Variants in PPFIA2 observed in about 807,000 individuals in gnomAD.
PPFIA2 encodes liprin-alpha-2.
Under a neutral mutation model 175.5 loss-of-function variants are expected in PPFIA2, and 46 were observed. The observed-to-expected ratio is 0.26, with a 90% CI of 0.21 to 0.34. PPFIA2 has a LOEUF of 0.34. PPFIA2 is among the 10% of genes least tolerant of loss of function. The pLI is 1.00. For synonymous variants in PPFIA2, 568 were observed against 511.4 expected (o/e 1.11, Z -1.49); for missense variants, 1,179 against 1,506.1 (o/e 0.78, Z 3.60).
intron 9 of PPFIA2, among the ~76,000 whole-genome samples, chr12:81,376,410 G>T (rs575790918): frequency 1.2e-4 from 17 of 138,284 alleles, no homozygotes; most frequent in African/African-American, 3.1e-4. Flanking sequence ...TGGTTAAAAG[G>T]CCAGGCCAAA....
chr12:81,633,571 T>C (rs1324476657), intron 4 of PPFIA2, among the ~76,000 whole-genome samples: 1 of 151,818 alleles, frequency 6.6e-6, no homozygotes, highest in Non-Finnish European at 1.5e-5. Flanking sequence ...AGAGGCAACT[T>C]CTAAATTGGT....
At chr12:81,594,169 T>G (rs1252382739) in intron 4 of PPFIA2, among the ~76,000 whole-genome samples, 1 of 151,960 alleles carries the variant, frequency 6.6e-6, no homozygotes, top group Non-Finnish European at 1.5e-5. Context: ...AACCATCCCT[T>G]CCCGTCCCCC....
chr12:81,635,160 C>T (rs143958120), intron 4 of PPFIA2, among the ~76,000 whole-genome samples: 2 of 152,292 alleles, frequency 1.3e-5, no homozygotes, highest in African/African-American at 2.4e-5. Flanking sequence ...AGAATCTCTA[C>T]TGCTTATCTG....
Position 81,562,640 on chromosome 12 carries a change from G to A in PPFIA2, c.304-104774C>T, listed in dbSNP as rs561076251. On this transcript the variant is annotated intron_variant, in intron 4 of 32. Coordinates refer to ENST00000549396, the MANE Select transcript of PPFIA2 (RefSeq NM_003625.5). ...AGGCGGGCGGATCACGAGGTCAGGA[G>A]ATCGAGACCATCCCGGCTAAAACGG... Among the ~76,000 whole-genome samples, 655 of 151,530 alleles carry A rather than the reference G, an allele frequency of 4.3e-3. 3 individuals carry two copies. Among genetic ancestry groups the A allele is most frequent in the African/African-American group, 0.015 (607 of 41,310 alleles).
At chr12:81,292,297 A>G (rs967627835) in intron 24 of PPFIA2, 4 of 152,092 alleles carry the variant, frequency 2.6e-5, no homozygotes, top group African/African-American at 9.7e-5. Context: ...TAAATTTACA[A>G]TAACTATTTT....
At chr12:81,441,651 A>T (rs1421389655) in intron 6 of PPFIA2, among the ~76,000 whole-genome samples, 3 of 152,168 alleles carry the variant, frequency 2.0e-5, no homozygotes, top group African/African-American at 7.2e-5. Context: ...ATACATGAAA[A>T]AGAAGCAAAT....
At chr12:81,728,014 C>T (rs2080319291) in intron 3 of PPFIA2, among the ~76,000 whole-genome samples, 1 of 151,272 alleles carries the variant, frequency 6.6e-6, no homozygotes, top group Non-Finnish European at 1.5e-5. Context: ...AAAACAAATG[C>T]AAAGTTGAAA....
intron 4 of PPFIA2, among the ~76,000 whole-genome samples, chr12:81,541,203 C>A (rs2066159422): frequency 6.6e-6 from 1 of 151,980 alleles, no homozygotes; most frequent in Non-Finnish European, 1.5e-5. Context: ...TACACAGAAT[C>A]AGTTAGGCTG....
intron 4 of PPFIA2, among the ~76,000 whole-genome samples, chr12:81,642,672 C>CATTATGTATATATTATATACATA (rs1567685983): frequency 0.01 from 679 of 64,860 alleles, 227 homozygotes; most frequent in Non-Finnish European, 0.021. Context: ...TATATACATA[C>CATTATGTATATATTATATACATA]ATGTATGTAT....
chr12:81,619,135 C>G (rs2061747262), intron 4 of PPFIA2, among the ~76,000 whole-genome samples: 1 of 152,120 alleles, frequency 6.6e-6, no homozygotes, highest in East Asian at 1.9e-4. Context: ...CTATATGTTA[C>G]TTACTACATT....
chr12:81,287,869 G>A (rs903873573), intron 24 of PPFIA2, among the ~76,000 whole-genome samples: 3 of 151,734 alleles, frequency 2.0e-5, no homozygotes, highest in African/African-American at 4.8e-5. Context: ...AAAGTAGGTT[G>A]GAAAAGCATA....
intron 4 of PPFIA2, among the ~76,000 whole-genome samples, chr12:81,482,317 G>T (rs2058329681): frequency 6.6e-6 from 1 of 152,202 alleles, no homozygotes; most frequent in African/African-American, 2.4e-5. Context: ...AACCATTGTG[G>T]AAGACAGTGT....
chr12:81,475,483 A>G (rs1047837373), intron 4 of PPFIA2, among the ~76,000 whole-genome samples: 2 of 152,188 alleles, frequency 1.3e-5, no homozygotes, highest in Non-Finnish European at 1.5e-5. Context: ...CGAGAATACA[A>G]TTTGCTATTT....
intron 4 of PPFIA2, among the ~76,000 whole-genome samples, chr12:81,664,751 A>G (rs1324477483): frequency 6.6e-6 from 1 of 152,082 alleles, no homozygotes; most frequent in African/African-American, 2.4e-5. Flanking sequence ...TGTTTATTGC[A>G]GCACTATTCA....
At chr12:81,259,775 C>T in intron 32 of PPFIA2, 115 bp from the exon 33 acceptor site, 1 of 810,024 alleles carries the variant, frequency 1.2e-6, no homozygotes, top group Non-Finnish European at 1.9e-6. Context: ...CCTAGAAGAT[C>T]ATGAGAAGGA....
At chr12:81,418,993 CA>C in intron 7 of PPFIA2, among the ~76,000 whole-genome samples, 1 of 151,998 alleles carries the variant, frequency 6.6e-6, no homozygotes. Context: ...ATGTCAATTG[CA>C]TTTTCAATAT....
chr12:81,323,439 T>C (rs998806513), intron 22 of PPFIA2, among the ~76,000 whole-genome samples: 2 of 152,114 alleles, frequency 1.3e-5, no homozygotes, highest in African/African-American at 4.8e-5. Context: ...CATTTATTGT[T>C]TTTATTTATT....
At chr12:81,410,852 T>C (rs1404778995) in intron 7 of PPFIA2, among the ~76,000 whole-genome samples, 1 of 152,050 alleles carries the variant, frequency 6.6e-6, no homozygotes, top group Non-Finnish European at 1.5e-5. Flanking sequence ...ATGAAAGGGG[T>C]ACTCTTTGCC....
chr12:81,344,104 T>C (rs192868663), intron 19 of PPFIA2, among the ~76,000 whole-genome samples: 106 of 152,150 alleles, frequency 7.0e-4, no homozygotes, highest in Middle Eastern at 3.4e-3. Context: ...CTAACCTGCT[T>C]ATCCTGCCTT....
Sources: gnomAD v4.1 joint callset for allele counts (sites outside exome capture counted in the v4.1 genomes callset) on GRCh38, gnomAD v4.1.1 for gene constraint, MANE v1.5 for transcripts, NCBI Gene and HGNC (gene_info 2026-07-23, HGNC 2026-07-21) for gene names.